Variants in ATXN7L1 observed in about 807,000 individuals in gnomAD.
ATXN7L1 encodes ataxin-7-like protein 1.
ATXN7L1 carries 15 observed loss-of-function variants against 70.8 expected under a neutral mutation model. That is an observed-to-expected ratio of 0.21 (90% CI 0.14 to 0.33). ATXN7L1 has a LOEUF of 0.33. Ranked by LOEUF, ATXN7L1 falls within the 10% of genes least tolerant of loss-of-function variation. The pLI, the probability that ATXN7L1 is intolerant of heterozygous loss-of-function variation, is 1.00. For missense variants in ATXN7L1, 975 were observed against 1,097.1 expected, an observed-to-expected ratio of 0.89 and a Z score of 1.57; for synonymous variants, 440 against 445.1, an observed-to-expected ratio of 0.99 and a Z score of 0.14.
At chr7:105,866,810 T>G (rs1817546293) in intron 2 of ATXN7L1, among the ~76,000 whole-genome samples, 1 of 152,196 alleles carries the variant, frequency 6.6e-6, no homozygotes, top group Admixed American at 6.5e-5. Flanking sequence ...ACGGCTATGT[T>G]TGATTATTGC....
chr7:105,856,292 A>T (rs989181006), intron 2 of ATXN7L1, among the ~76,000 whole-genome samples: 3 of 152,232 alleles, frequency 2.0e-5, no homozygotes, highest in African/African-American at 7.2e-5. Context: ...GAAATCTACA[A>T]AAAAGAATTT....
chr7:105,767,204 G>C (rs1046998059), intron 3 of ATXN7L1, among the ~76,000 whole-genome samples: 6 of 152,096 alleles, frequency 3.9e-5, no homozygotes, highest in Admixed American at 3.9e-4. Context: ...AAATTTCCAA[G>C]ATGCTGGCCA....
intron 2 of ATXN7L1, among the ~76,000 whole-genome samples, chr7:105,827,754 A>G (rs1441474178): frequency 1.3e-5 from 2 of 152,080 alleles, no homozygotes; most frequent in African/African-American, 2.4e-5. Context: ...TAGATCCACA[A>G]TCCCTTATCC....
chr7:105,692,202 TAGC>T (rs1790978279), intron 3 of ATXN7L1, among the ~76,000 whole-genome samples: 1 of 152,090 alleles, frequency 6.6e-6, no homozygotes, highest in Admixed American at 6.6e-5. Context: ...CTGCGGTTAT[TAGC>T]AGAAGGAACT....
At chr7:105,690,316 T>C (rs922370791) in intron 3 of ATXN7L1, among the ~76,000 whole-genome samples, 6 of 152,188 alleles carry the variant, frequency 3.9e-5, no homozygotes, top group Non-Finnish European at 7.3e-5. Context: ...AAAAAAGCAT[T>C]CATATGAATG....
At chr7:105,698,946 T>A (rs1297153423) in intron 3 of ATXN7L1, among the ~76,000 whole-genome samples, 1 of 152,210 alleles carries the variant, frequency 6.6e-6, no homozygotes, top group African/African-American at 2.4e-5. Flanking sequence ...TTACTAGGCA[T>A]ATCTGGAAAG....
chr7:105,663,858 C>T (rs1420010195), intron 4 of ATXN7L1, among the ~76,000 whole-genome samples: 6 of 152,042 alleles, frequency 3.9e-5, no homozygotes, highest in Admixed American at 6.6e-5. Flanking sequence ...CTCTGCCTCC[C>T]GGGTTGAAGC....
At chr7:105,611,178 G>T (rs1394638769) in intron 10 of ATXN7L1, among the ~76,000 whole-genome samples, 1 of 152,248 alleles carries the variant, frequency 6.6e-6, no homozygotes, top group Admixed American at 6.5e-5. Flanking sequence ...GGAACGCTAT[G>T]CATGCGGGTG....
chr7:105,727,499 C>T (rs1384620581), intron 3 of ATXN7L1, among the ~76,000 whole-genome samples: 7 of 151,038 alleles, frequency 4.6e-5, no homozygotes, highest in Non-Finnish European at 7.4e-5. Flanking sequence ...TGAAACCCCA[C>T]GTCTACTAAC....
At chr7:105,673,605 A>G (rs1804116483) in intron 3 of ATXN7L1, among the ~76,000 whole-genome samples, 1 of 152,230 alleles carries the variant, frequency 6.6e-6, no homozygotes, top group Non-Finnish European at 1.5e-5. Flanking sequence ...GATGCTGCCT[A>G]TAAACACCCT....
At position 105,709,344 on chromosome 7, in the gene ATXN7L1, AG is replaced by A. The variant is rs202110349; in HGVS notation, c.356-44057del. On this transcript the variant is annotated intron_variant, in intron 3 of 11. Coordinates refer to ENST00000419735, the MANE Select transcript of ATXN7L1 (RefSeq NM_020725.2). ...AGTGAAACTCTGTCTCACAAAAAAAAGAATTTTTTTTCTATATTTCCAGTGC... is the reference window on the plus strand; with the variant it reads ...AGTGAAACTCTGTCTCACAAAAAAAAAATTTTTTTTCTATATTTCCAGTGC... Among the ~76,000 whole-genome samples, 1,127 of 132,072 alleles carry A rather than the reference AG, an allele frequency of 8.5e-3. 18 individuals are homozygous for A. Among genetic ancestry groups the A allele is most frequent in the African/African-American group, 0.029 (1,054 of 35,744 alleles). The allele number at this position is 132,072 out of a possible 152,430, so 86.6% of individuals were successfully genotyped here.
At chr7:105,787,660 C>T (rs779747618) in intron 3 of ATXN7L1, among the ~76,000 whole-genome samples, 6 of 151,936 alleles carry the variant, frequency 3.9e-5, no homozygotes, top group African/African-American at 9.7e-5. Context: ...GTCAGAAATT[C>T]GGAACGTGAG....
At chr7:105,731,270 A>T (rs1796501222) in intron 3 of ATXN7L1, among the ~76,000 whole-genome samples, 1 of 152,216 alleles carries the variant, frequency 6.6e-6, no homozygotes, top group African/African-American at 2.4e-5. Context: ...TTCCAAAGTC[A>T]GAAAGCATCT....
chr7:105,811,490 T>C (rs1398626372), intron 2 of ATXN7L1, among the ~76,000 whole-genome samples: 1 of 151,914 alleles, frequency 6.6e-6, no homozygotes, highest in Admixed American at 6.6e-5. Flanking sequence ...AGCAAACTAT[T>C]ACAGGGGGTA....
At chr7:105,817,193 CAG>C (rs1177061672) in intron 2 of ATXN7L1, among the ~76,000 whole-genome samples, 1 of 152,094 alleles carries the variant, frequency 6.6e-6, no homozygotes, top group African/African-American at 2.4e-5. Context: ...TGATTGAAAA[CAG>C]AGATGTCAAT....
intron 2 of ATXN7L1, among the ~76,000 whole-genome samples, chr7:105,864,221 C>T (rs1205903968): frequency 1.3e-5 from 2 of 151,792 alleles, no homozygotes; most frequent in Non-Finnish European, 2.9e-5. Context: ...TTTGAGAGGC[C>T]GAGGTGGGAG....
At chr7:105,750,764 T>C (rs1040235651) in intron 3 of ATXN7L1, among the ~76,000 whole-genome samples, 7 of 152,090 alleles carry the variant, frequency 4.6e-5, no homozygotes, top group East Asian at 1.9e-4. Flanking sequence ...GATTGCGCCA[T>C]TGGACCCCAG....
chr7:105,869,738 A>G (rs1817970876), intron 2 of ATXN7L1, among the ~76,000 whole-genome samples: 1 of 152,196 alleles, frequency 6.6e-6, no homozygotes, highest in Non-Finnish European at 1.5e-5. Flanking sequence ...GTTAAAACAC[A>G]GGCAAGTTTT....
chr7:105,650,569 G>T (rs966976140), intron 4 of ATXN7L1, among the ~76,000 whole-genome samples: 1 of 152,222 alleles, frequency 6.6e-6, no homozygotes, highest in Non-Finnish European at 1.5e-5. Context: ...CCAGGTGAGT[G>T]GTCCTGGCAG....
Sources: gnomAD v4.1 joint callset for allele counts (sites outside exome capture counted in the v4.1 genomes callset) on GRCh38, gnomAD v4.1.1 for gene constraint, MANE v1.5 for transcripts, NCBI Gene and HGNC (gene_info 2026-07-23, HGNC 2026-07-21) for gene names.